The following MGST1 variants were observed in gnomAD, a reference collection of about 807,000 sequenced individuals.
MGST1 encodes microsomal glutathione S-transferase 1.
In MGST1, 5 loss-of-function variants were observed where a neutral mutation model predicts 8.9. The observed-to-expected ratio is 0.56, with a 90% CI of 0.29 to 1.19. The LOEUF is 1.19. MGST1 is among the 50% of genes most tolerant of loss of function. The pLI is 0.08. For synonymous variants in MGST1, 54 were observed against 67.8 expected, an observed-to-expected ratio of 0.80 and a Z score of 1.00; for missense variants, 182 against 187.4, an observed-to-expected ratio of 0.97 and a Z score of 0.17.
chr12:16,358,386 ATTTG>A (rs1939825892), intron 3 of MGST1, among the ~76,000 whole-genome samples: 1 of 151,112 alleles, frequency 6.6e-6, no homozygotes, highest in African/African-American at 2.4e-5. Context: ...AACTTGTGGT[ATTTG>A]TTTTTCTTTT....
At position 16,401,570 on chromosome 12, in the gene MGST1, G is replaced by A; in HGVS notation, n.778+17966G>A. The stretch of plus-strand genomic sequence containing the variant: ...TCAGCCATCAAAGTGCGAACAGGTT[G>A]GAGCAATAAGACTCGAAGCGAATAC... On this transcript the variant is annotated intron_variant and non_coding_transcript_variant, in intron 1 of 1. Coordinates refer to the MGST1 transcript ENST00000359720. The surrounding 1 kb of genome is among the most constrained non-coding windows in gnomAD (Gnocchi z 4.3). 1 of 1,271,818 alleles carries A rather than the reference G, an allele frequency of 7.9e-7. No homozygotes were observed. The highest frequency in any genetic ancestry group is 1.2e-6 in the Non-Finnish European group (1 of 869,312). The allele number at this position is 1,271,818 out of a possible 1,614,324, so 78.8% of individuals were successfully genotyped here. A position where few individuals can be genotyped will look rare whatever the true frequency, so the allele number is the denominator to read the frequency against.
At chr12:16,477,551 A>G (rs944653460) in intron 4 of MGST1, among the ~76,000 whole-genome samples, 6 of 152,222 alleles carry the variant, frequency 3.9e-5, no homozygotes, top group Admixed American at 3.3e-4. Flanking sequence ...TATTTTTAAA[A>G]ATAAAATTAC....
At chr12:16,357,139 C>A (rs1939751598) in intron 2 of MGST1, among the ~76,000 whole-genome samples, 1 of 152,178 alleles carries the variant, frequency 6.6e-6, no homozygotes. Flanking sequence ...ACTATAGATG[C>A]CTTCTTCTCC....
chr12:16,445,666 G>A (rs1292899198), intron 4 of MGST1, among the ~76,000 whole-genome samples: 1 of 151,904 alleles, frequency 6.6e-6, no homozygotes, highest in African/African-American at 2.4e-5. Flanking sequence ...TGCATGCCAG[G>A]TACCTGAGGT....
At chr12:16,463,891 T>C (rs1941237622) in intron 4 of MGST1, among the ~76,000 whole-genome samples, 1 of 152,232 alleles carries the variant, frequency 6.6e-6, no homozygotes, top group Non-Finnish European at 1.5e-5. Context: ...TTAAATGCTT[T>C]TTCGAATTTC....
intron 1 of MGST1, among the ~76,000 whole-genome samples, chr12:16,348,237 CT>C (rs1468276988): frequency 6.6e-6 from 1 of 152,172 alleles, no homozygotes; most frequent in Admixed American, 6.5e-5. Flanking sequence ...AATAATACTA[CT>C]GCTAATAATG....
At chr12:16,409,625 A>G (rs959802291) in intron 1 of MGST1, among the ~76,000 whole-genome samples, 4 of 152,194 alleles carry the variant, frequency 2.6e-5, no homozygotes, top group Admixed American at 2.6e-4. Context: ...AAGTGTAAGC[A>G]AATGGCTTCT....
chr12:16,435,049 A>T (rs1177270196), intron 1 of MGST1, among the ~76,000 whole-genome samples: 1 of 151,986 alleles, frequency 6.6e-6, no homozygotes, highest in Admixed American at 6.6e-5. Context: ...CATCTTTTAA[A>T]CAAGAAGTTT....
rs546257653 is a variant in MGST1, at chr12:16,471,190, T to TTAA, written n.482+87587_482+87589dup. Reference sequence around the variant, plus strand: ...ACTGCTGTCATTCCAGGAGACTGTATTAAGGAAACATAGAATTTGCCATTC... The same window carrying TTAA: ...ACTGCTGTCATTCCAGGAGACTGTATTAATAAGGAAACATAGAATTTGCCATTC... On this transcript the variant is annotated intron_variant and non_coding_transcript_variant, in intron 4 of 4. Transcript: ENST00000538857. 2.6e-3 allele frequency among the ~76,000 whole-genome samples: 395 copies of TTAA among 152,266 alleles called. 2 individuals carry two copies. Among genetic ancestry groups the TTAA allele is most frequent in the South Asian group, 6.0e-3 (29 of 4,822 alleles).
intron 4 of MGST1, among the ~76,000 whole-genome samples, chr12:16,525,193 G>T (rs1228775497): frequency 1.3e-5 from 2 of 151,186 alleles, no homozygotes; most frequent in Non-Finnish European, 3.0e-5. Context: ...TGTGCACATT[G>T]TGCAGGTTAG....
intron 3 of MGST1, among the ~76,000 whole-genome samples, chr12:16,370,850 A>C (rs536024773): frequency 6.6e-6 from 1 of 152,338 alleles, no homozygotes; most frequent in African/African-American, 2.4e-5. Flanking sequence ...CCAGTGATAA[A>C]ATATGAATAT....
intron 4 of MGST1, among the ~76,000 whole-genome samples, chr12:16,572,339 C>CTTTTTTTTTTTTTTTTT (rs59773866): frequency 1.1e-5 from 1 of 89,528 alleles, no homozygotes; most frequent in Non-Finnish European, 2.1e-5. Flanking sequence ...GGTCCAAACT[C>CTTTTTTTTTTTTTTTTT]TTTTTTTTTT....
intron 4 of MGST1, among the ~76,000 whole-genome samples, chr12:16,521,140 A>G (rs1311821231): frequency 6.6e-6 from 1 of 152,068 alleles, no homozygotes. Flanking sequence ...CTACTTCAGT[A>G]TGGTTCTGAT....
chr12:16,485,688 T>C (rs997348681), intron 4 of MGST1, among the ~76,000 whole-genome samples: 6 of 152,164 alleles, frequency 3.9e-5, no homozygotes, highest in African/African-American at 1.4e-4. Flanking sequence ...AAAATTTAAA[T>C]GGACATTAGA....
chr12:16,474,941 A>G (rs149083426), intron 4 of MGST1, among the ~76,000 whole-genome samples: 1 of 152,332 alleles, frequency 6.6e-6, no homozygotes, highest in African/African-American at 2.4e-5. Flanking sequence ...ATGGGAGTCA[A>G]TATACCACTC....
chr12:16,350,425 GCTTA>G (rs1025011622), intron 1 of MGST1, among the ~76,000 whole-genome samples: 1 of 152,140 alleles, frequency 6.6e-6, no homozygotes, highest in African/African-American at 2.4e-5. Flanking sequence ...GTTTTTCCCT[GCTTA>G]CTTTTCTTTG....
intron 2 of MGST1, among the ~76,000 whole-genome samples, chr12:16,355,363 C>G (rs188292235): frequency 1.7e-3 from 259 of 152,184 alleles, no homozygotes; most frequent in Admixed American, 3.7e-3. Context: ...CACGCACCAC[C>G]AGGCCCAGTT....
chr12:16,577,015 T>G (rs951271614), intron 4 of MGST1, among the ~76,000 whole-genome samples: 4 of 152,208 alleles, frequency 2.6e-5, no homozygotes, highest in Non-Finnish European at 5.9e-5. Flanking sequence ...ATCTACTTGC[T>G]GAAACTTAGC....
chr12:16,547,400 A>G lies in MGST1; in HGVS notation n.483-42128A>G, dbSNP rs1224841140. On this transcript the variant is annotated intron_variant and non_coding_transcript_variant, in intron 4 of 4. Coordinates refer to the MGST1 transcript ENST00000538857. The surrounding 1 kb of genome is among the most constrained non-coding windows in gnomAD (Gnocchi z 4.6). ...AGTTAATGAGTAATTTGTGTGCGAT[A>G]ATTCTCTGAACACATTGATTACTTG... Among the ~76,000 whole-genome samples the G allele has an allele frequency of 6.6e-6, 1 of 152,186 alleles. No individual in the cohort carries two copies. The highest frequency in any genetic ancestry group is 2.4e-5 in the African/African-American group (1 of 41,440).
Sources: gnomAD v4.1 joint callset for allele counts (sites outside exome capture counted in the v4.1 genomes callset) on GRCh38, gnomAD v4.1.1 for gene constraint, Gnocchi (gnomAD v3.1) non-coding constraint, MANE v1.5 for transcripts, NCBI Gene and HGNC (gene_info 2026-07-23, HGNC 2026-07-21) for gene names.